MGST1: variants seen among roughly 807,000 people sequenced by gnomAD.
MGST1 encodes microsomal glutathione S-transferase 1.
MGST1 carries 5 observed loss-of-function variants against 8.9 expected under a neutral mutation model. The observed-to-expected ratio is 0.56, with a 90% CI of 0.29 to 1.19. MGST1 has a LOEUF of 1.19. MGST1 is among the 50% of genes most tolerant of loss of function. MGST1 has a pLI of 0.08. For synonymous variants in MGST1, 54 were observed against 67.8 expected (o/e 0.80, Z 1.00); for missense variants, 182 against 187.4 (o/e 0.97, Z 0.17).
chr12:16,419,443 G>A (rs887803371), intron 1 of MGST1, among the ~76,000 whole-genome samples: 4 of 152,070 alleles, frequency 2.6e-5, no homozygotes, highest in African/African-American at 9.7e-5. Flanking sequence ...AGAGAGATAG[G>A]TGCCTTTATT....
Position 16,588,558 on chromosome 12 carries a change from A to G in MGST1, n.483-970A>G, listed in dbSNP as rs543152730. On this transcript the variant is annotated intron_variant and non_coding_transcript_variant, in intron 4 of 4. Coordinates refer to the MGST1 transcript ENST00000538857. ...TTTAGAAAACTATCACCTCAGTTACAAAGGAAATAGAATTTTCAGTAATTC... is the reference window on the plus strand; with the variant it reads ...TTTAGAAAACTATCACCTCAGTTACGAAGGAAATAGAATTTTCAGTAATTC... Among the ~76,000 whole-genome samples the G allele has an allele frequency of 4.6e-5, 7 of 152,270 alleles. No homozygotes were observed. In the East Asian group the frequency reaches 1.3e-3, roughly 29 times the overall value.
chr12:16,541,619 T>G (rs1431142614), intron 4 of MGST1, among the ~76,000 whole-genome samples: 2 of 152,136 alleles, frequency 1.3e-5, no homozygotes, highest in African/African-American at 4.8e-5. Flanking sequence ...AGTTTTGGGA[T>G]TATGCAAGAT....
At chr12:16,566,343 G>C (rs1344637320) in intron 4 of MGST1, among the ~76,000 whole-genome samples, 1 of 151,650 alleles carries the variant, frequency 6.6e-6, no homozygotes, top group African/African-American at 2.4e-5. Context: ...TGCACAGTAG[G>C]GTGACTATGG....
intron 4 of MGST1, among the ~76,000 whole-genome samples, chr12:16,456,154 A>G (rs1344276639): frequency 6.6e-6 from 1 of 151,856 alleles, no homozygotes; most frequent in East Asian, 1.9e-4. Flanking sequence ...TTTTAAAATA[A>G]AAAAATTAAA....
At position 16,559,623 on chromosome 12, in the gene MGST1, A is replaced by C. The variant is rs942017730; in HGVS notation, n.483-29905A>C. ...TCAAAGATATTTGAAGTAACTGCAA[A>C]AGTACATATAGGACAGGGTTAAAAT... On this transcript the variant is annotated intron_variant and non_coding_transcript_variant, in intron 4 of 4. Transcript: ENST00000538857. The surrounding 1 kb of genome is among the most constrained non-coding windows in gnomAD (Gnocchi z 4.1). 6.6e-6 allele frequency among the ~76,000 whole-genome samples: 1 copy of C among 152,082 alleles called. No homozygotes were observed. Among genetic ancestry groups the C allele is most frequent in the African/African-American group, 2.4e-5 (1 of 41,404 alleles).
intron 4 of MGST1, among the ~76,000 whole-genome samples, chr12:16,472,106 T>G (rs930275515): frequency 6.6e-6 from 1 of 152,184 alleles, no homozygotes; most frequent in African/African-American, 2.4e-5. Flanking sequence ...CTGTCCTCCA[T>G]GATCACATAA....
chr12:16,399,930 A>G, intron 1 of MGST1: 1 of 1,295,988 alleles, frequency 7.7e-7, no homozygotes, highest in Non-Finnish European at 1.1e-6. Flanking sequence ...ATGTCACCAC[A>G]AAAGGTGGCC....
chr12:16,471,832 C>T (rs1468636324), intron 4 of MGST1, among the ~76,000 whole-genome samples: 1 of 152,104 alleles, frequency 6.6e-6, no homozygotes, highest in African/African-American at 2.4e-5. Flanking sequence ...ATTACAGCAA[C>T]AAATTCATTT....
chr12:16,388,612 A>G (rs1325484872), intron 1 of MGST1, among the ~76,000 whole-genome samples: 1 of 152,228 alleles, frequency 6.6e-6, no homozygotes, highest in Non-Finnish European at 1.5e-5. Flanking sequence ...TTAATTAACT[A>G]TATGCTTGGT....
rs1297744029 is a variant in MGST1, at chr12:16,458,584, C to G, written n.482+74980C>G. Among the ~76,000 whole-genome samples, 1 of 151,822 alleles carries G rather than the reference C, an allele frequency of 6.6e-6. No homozygotes were observed. The highest frequency in any genetic ancestry group is 2.4e-5 in the African/African-American group (1 of 41,322). The stretch of plus-strand genomic sequence containing the variant: ...GCTTTATCAATGAATCTTGGCTGTA[C>G]AAGGAAAAGTATTGCTTTAATATGT... On this transcript the variant is annotated intron_variant and non_coding_transcript_variant, in intron 4 of 4. Coordinates refer to the MGST1 transcript ENST00000538857. The surrounding 1 kb of genome is among the most constrained non-coding windows in gnomAD (Gnocchi z 4.0).
At chr12:16,463,221 C>T (rs539926842) in intron 4 of MGST1, among the ~76,000 whole-genome samples, 2 of 152,134 alleles carry the variant, frequency 1.3e-5, no homozygotes, top group Admixed American at 1.3e-4. Flanking sequence ...TTTTCTCCGT[C>T]AACCTAGAGT....
At chr12:16,453,971 G>C (rs1941149926) in intron 4 of MGST1, among the ~76,000 whole-genome samples, 1 of 151,918 alleles carries the variant, frequency 6.6e-6, no homozygotes, top group Non-Finnish European at 1.5e-5. Flanking sequence ...ATTTTGGGGA[G>C]ACAAAATTCA....
chr12:16,510,521 A>G (rs891483499), intron 4 of MGST1, among the ~76,000 whole-genome samples: 7 of 151,746 alleles, frequency 4.6e-5, no homozygotes, highest in Middle Eastern at 3.4e-3. Flanking sequence ...AGTTGATTCA[A>G]CAGTTGGCAT....
At chr12:16,388,477 T>G (rs1940523949) in intron 1 of MGST1, among the ~76,000 whole-genome samples, 1 of 152,234 alleles carries the variant, frequency 6.6e-6, no homozygotes, top group East Asian at 1.9e-4. Context: ...TCACACTAGC[T>G]GGCAGGGGCC....
chr12:16,556,264 T>A (rs1452804125), intron 4 of MGST1, among the ~76,000 whole-genome samples: 2 of 152,216 alleles, frequency 1.3e-5, no homozygotes, highest in Non-Finnish European at 2.9e-5. Context: ...TAACCTGTTA[T>A]ATAGAATCTT....
intron 1 of MGST1, among the ~76,000 whole-genome samples, chr12:16,418,505 CG>C (rs1353253084): frequency 6.6e-6 from 1 of 152,162 alleles, no homozygotes; most frequent in African/African-American, 2.4e-5. Flanking sequence ...AAAAAATTCA[CG>C]TTTCAACAAG....
At chr12:16,440,856 G>A (rs1435630376), downstream of MGST1, among the ~76,000 whole-genome samples, 3 of 151,772 alleles carry the variant, frequency 2.0e-5, no homozygotes, top group East Asian at 5.8e-4. Flanking sequence ...GAGAGTTCTA[G>A]TTTCTCCAGA....
chr12:16,540,180 T>C (rs975471040), intron 4 of MGST1, among the ~76,000 whole-genome samples: 9 of 152,262 alleles, frequency 5.9e-5, no homozygotes, highest in African/African-American at 2.2e-4. Flanking sequence ...CCACAGATTG[T>C]GAGCTACTTG....
chr12:16,513,691 G>A lies in MGST1; in HGVS notation n.483-75837G>A, dbSNP rs1941592083. The A allele has an allele frequency of 1.8e-6, 1 of 541,572 alleles. No individual in the cohort carries two copies. Among genetic ancestry groups the A allele is most frequent in the South Asian group, 1.5e-5 (1 of 68,636 alleles). 33.5% of individuals were successfully genotyped at this position (541,572 alleles called of 1,614,324 possible). On this transcript the variant is annotated intron_variant and non_coding_transcript_variant, in intron 4 of 4. Transcript: ENST00000538857. This position sits in a 1 kb window ranked among gnomAD's most constrained non-coding sequence, Gnocchi z 4.2. ...CTACCTCTCCATTGGGCGGCTGGCT[G>A]AATTTTGCAAGGCATCTGCAGAAGT...
Sources: allele counts gnomAD v4.1 joint callset (sites outside exome capture counted in the v4.1 genomes callset), GRCh38; gene constraint gnomAD v4.1.1; non-coding constraint Gnocchi (gnomAD v3.1); transcripts MANE v1.5; gene names NCBI Gene and HGNC (gene_info 2026-07-23, HGNC 2026-07-21).